Variants in CFHR4 observed in about 807,000 individuals in gnomAD.
The protein encoded by CFHR4 is complement factor H-related protein 4.
In CFHR4, 64 loss-of-function variants were observed where a neutral mutation model predicts 69.3. That is an observed-to-expected ratio of 0.92 (90% CI 0.76 to 1.14). CFHR4 has a LOEUF of 1.14. Ranked by LOEUF, CFHR4 falls within the 50% of genes most tolerant of loss-of-function variation. CFHR4 has a pLI of 0.00. For missense variants in CFHR4, 636 were observed against 684.9 expected, an observed-to-expected ratio of 0.93 and a Z score of 0.80; for synonymous variants, 244 against 237.0, an observed-to-expected ratio of 1.03 and a Z score of -0.27.
chr1:196,915,798 T>C lies in CFHR4; in HGVS notation c.1540+660T>C, dbSNP rs186863704. Among the ~76,000 whole-genome samples the C allele has an allele frequency of 9.9e-5, 15 of 151,602 alleles. 1 individual carries two copies. Among genetic ancestry groups the C allele is most frequent in the East Asian group, 3.9e-4 (2 of 5,166 alleles). On this transcript the variant is annotated intron_variant, in intron 9 of 9. Coordinates refer to ENST00000608469, the MANE Select transcript of CFHR4 (RefSeq NM_001201550.3). ...CCATTTATTGCGCACATATGAAATA[T>C]GGCATCTCAGCTTAACACCAGTAAT...
At position 196,907,460 on chromosome 1, in the gene CFHR4, G is replaced by GT. The variant is rs755872003; in HGVS notation, c.762dup (p.Ser255Ter). 6 of 1,611,966 alleles carry GT rather than the reference G, an allele frequency of 3.7e-6. No individual in the cohort carries two copies. The African/African-American group carries it at 8.1e-5, about 22-fold the overall frequency. The stretch of plus-strand genomic sequence containing the variant: ...CTTCAGGGTTCTAAATATGTAACAT[G>GT]TAGTAATGGAGACTGGTCAGAACCA... On this transcript the variant is annotated frameshift_variant, in exon 5 of 10. Transcript: ENST00000608469. LOFTEE classifies it high-confidence loss of function.
At chr1:196,897,197 G>A (rs1657345967) in intron 1 of CFHR4, among the ~76,000 whole-genome samples, 1 of 151,652 alleles carries the variant, frequency 6.6e-6, no homozygotes, top group Admixed American at 6.6e-5. Flanking sequence ...ACGTGCGAGA[G>A]GGGTGTTATC....
At chr1:196,902,311 A>T (rs1657658601) in intron 1 of CFHR4, 107 bp from the exon 2 acceptor site, 8 of 807,676 alleles carry the variant, frequency 9.9e-6, no homozygotes, top group Non-Finnish European at 1.5e-5. Flanking sequence ...AAAACCCCTA[A>T]TTCATTACAC....
chr1:196,914,762 T>C, intron 8 of CFHR4, 91 bp downstream of exon 8: 1 of 1,413,086 alleles, frequency 7.1e-7, no homozygotes, highest in Non-Finnish European at 9.4e-7. Flanking sequence ...TGTACATATA[T>C]GTACATATAT....
chr1:196,917,450 A>G (rs1272929603), intron 9 of CFHR4, among the ~76,000 whole-genome samples: 2 of 151,802 alleles, frequency 1.3e-5, no homozygotes, highest in Non-Finnish European at 2.9e-5. Context: ...TTACAAAAGA[A>G]TTTTATAAAA....
In CFHR4 at chr1:196,902,624, A is replaced by AC. The variant is rs1657688762; in HGVS notation, c.256+11dup. Reference sequence around the variant, plus strand: ...AACGGTCCCATGCCTCAGTAAGTAAACCTCTTTACAAGAATATGTGCATAA... The same window carrying AC: ...AACGGTCCCATGCCTCAGTAAGTAAACCCTCTTTACAAGAATATGTGCATAA... On this transcript the variant is annotated intron_variant, in intron 2 of 9. Coordinates refer to ENST00000608469, the MANE Select transcript of CFHR4 (RefSeq NM_001201550.3). 6.3e-7 allele frequency: 1 copy of AC among 1,586,386 alleles called. No individual in the cohort carries two copies. Among genetic ancestry groups the AC allele is most frequent in the Non-Finnish European group, 8.6e-7 (1 of 1,156,822 alleles).
chr1:196,918,367 GT>G lies in CFHR4; in HGVS notation c.1699del (p.Cys567ValfsTer5), dbSNP rs1340070889. ...NTSVLSFQAV[C>X]REGIVEYPRC... ...CATCAGTTCTATCATTTCAAGCAGT[GT>G]GTAGGGAAGGCATAGTGGAATACCC... On this transcript the variant is annotated frameshift_variant, in exon 10 of 10. Coordinates refer to ENST00000608469, the MANE Select transcript of CFHR4 (RefSeq NM_001201550.3). LOFTEE classifies it low-confidence loss of function (END_TRUNC). The G allele has an allele frequency of 6.2e-7, 1 of 1,612,222 alleles. No homozygotes were observed. The highest frequency in any genetic ancestry group is 1.3e-5 in the African/African-American group (1 of 74,416).
chr1:196,908,016 G>T (rs1170519263), intron 5 of CFHR4, among the ~76,000 whole-genome samples: 1 of 151,292 alleles, frequency 6.6e-6, no homozygotes, highest in African/African-American at 2.4e-5. Context: ...AAGTGACATG[G>T]AGGAAGCTGG....
At chr1:196,915,720 T>G (rs1286125664) in intron 9 of CFHR4, among the ~76,000 whole-genome samples, 1 of 151,406 alleles carries the variant, frequency 6.6e-6, no homozygotes, top group African/African-American at 2.4e-5. Flanking sequence ...AAACCAAGAA[T>G]GTTCAGAGTC....
intron 1 of CFHR4, among the ~76,000 whole-genome samples, chr1:196,898,165 G>C (rs981279946): frequency 6.6e-6 from 1 of 150,420 alleles, no homozygotes; most frequent in Non-Finnish European, 1.5e-5. Flanking sequence ...TATTCAAAAT[G>C]ATGTCTACAC....
chr1:196,892,575 A>G (rs974395936), intron 1 of CFHR4, among the ~76,000 whole-genome samples: 3 of 151,406 alleles, frequency 2.0e-5, no homozygotes, highest in African/African-American at 7.3e-5. Context: ...TAAATAGGGC[A>G]TGGGTTATTT....
chr1:196,910,293 G>C lies in CFHR4; in HGVS notation c.812G>C (p.Cys271Ser), dbSNP rs777174191. 1 of 1,591,906 alleles carries C rather than the reference G, an allele frequency of 6.3e-7. No individual in the cohort carries two copies. Among genetic ancestry groups the C allele is most frequent in the Admixed American group, 1.7e-5 (1 of 59,092 alleles). The change falls in exon 6 of 10, where the codon TGT becomes TCT. Residue 271 changes from cysteine (C) to serine (S), a missense_variant. Cys to Ser is a moderately radical substitution (Grantham distance 112). This residue lies in a region of CFHR4 where 529 missense variants were observed against 533.2 expected (regional missense o/e 0.99). Coordinates refer to ENST00000608469, the MANE Select transcript of CFHR4 (RefSeq NM_001201550.3). ...TTTTTGTTACAAGCAATGAAACCTT[G>C]TGAGTTTCCAGAAATTCAACATGGA... is the stretch of plus-strand genomic sequence containing the variant. ...EPPRCISMKP[C>S]EFPEIQHGHL...
Position 196,914,655 on chromosome 1 carries a change from T to C in CFHR4, c.1341T>C (p.His447=), listed in dbSNP as rs1407054542. The C allele has an allele frequency of 1.9e-6, 3 of 1,602,494 alleles. No homozygotes were observed. Among genetic ancestry groups the C allele is most frequent in the Non-Finnish European group, 2.5e-6 (3 of 1,176,566 alleles). The change falls in exon 8 of 10, where the codon CAT becomes CAC. Residue 447 remains histidine, a synonymous_variant. Transcript: ENST00000608469. ...TGTGTGGTGAAGATGGGTGGTCCCA[T>C]TTCCCAACATGTTATAGTAAGTATT... ...SIVCGEDGWS[H]FPTCYNSSEK... is the part of the protein sequence containing the mutation.
chr1:196,888,304 A>G, intron 1 of CFHR4, 96 bp downstream of exon 1: 2 of 1,221,074 alleles, frequency 1.6e-6, no homozygotes, highest in Non-Finnish European at 2.4e-6. Context: ...TATAAATCTG[A>G]TAGGATATAT....
chr1:196,914,418 C>G, intron 7 of CFHR4, 77 bp from the exon 8 acceptor site: 4 of 1,438,914 alleles, frequency 2.8e-6, no homozygotes, highest in Non-Finnish European at 2.8e-6. Context: ...AAATTTTATC[C>G]CTACAATGGG....
At chr1:196,914,291 A>AG (rs1224110591) in intron 7 of CFHR4, among the ~76,000 whole-genome samples, 1 of 151,556 alleles carries the variant, frequency 6.6e-6, no homozygotes, top group East Asian at 1.9e-4. Context: ...GAATGATAAG[A>AG]AAGAATATAC....
chr1:196,895,702 T>A (rs907623154), intron 1 of CFHR4, among the ~76,000 whole-genome samples: 1 of 151,536 alleles, frequency 6.6e-6, no homozygotes, highest in Non-Finnish European at 1.5e-5. Flanking sequence ...TCTTTCAGTA[T>A]CTTTAATACA....
chr1:196,889,574 T>C (rs969519780), intron 1 of CFHR4, among the ~76,000 whole-genome samples: 1 of 151,440 alleles, frequency 6.6e-6, no homozygotes, highest in African/African-American at 2.4e-5. Context: ...TTTGTAAGAG[T>C]AAACTTGAGA....
Position 196,918,316 on chromosome 1 carries a change from G to A in CFHR4, c.1647G>A (p.Met549Ile). 1.2e-6 allele frequency: 2 copies of A among 1,610,814 alleles called. No individual in the cohort carries two copies. Among genetic ancestry groups the A allele is most frequent in the Non-Finnish European group, 1.7e-6 (2 of 1,178,030 alleles). ...YAKTGDTIEFMCKLGYNANTS... is the reference protein window; with the variant it reads ...YAKTGDTIEFICKLGYNANTS... ...AAACAGGGGATACCATTGAATTTAT[G>A]TGTAAATTGGGATATAATGCGAATA... Residue 549 changes from methionine (M) to isoleucine (I), a missense_variant, in exon 10 of 10, where the codon ATG becomes ATA. Met to Ile is a conservative substitution (Grantham distance 10). Around this residue, in one of 3 missense-constraint regions of CFHR4, gnomAD observed 85 missense variants for 79.0 expected, o/e 1.08. Transcript: ENST00000608469.
Sources: allele counts gnomAD v4.1 joint callset (sites outside exome capture counted in the v4.1 genomes callset), GRCh38; gene constraint gnomAD v4.1.1; regional missense constraint gnomAD v4.1.1; transcripts MANE v1.5; gene names NCBI Gene and HGNC (gene_info 2026-07-23, HGNC 2026-07-21).